Variants in DNAH8 observed in about 807,000 individuals in gnomAD.
DNAH8 encodes the protein dynein axonemal heavy chain 8.
In DNAH8, 382 loss-of-function variants were observed where a neutral mutation model predicts 562.1. The observed-to-expected ratio is 0.68, with a 90% CI of 0.63 to 0.74. The LOEUF (loss-of-function observed/expected upper bound fraction) is 0.74, where lower values mean the gene tolerates loss of function less well. Among genes scored for constraint, DNAH8 ranks in the 30% least tolerant of loss-of-function variants. DNAH8 has a pLI of 0.00. For missense variants in DNAH8, 5,203 were observed against 5,620.4 expected (o/e 0.93, Z 2.37); for synonymous variants, 1,881 against 1,919.4 (o/e 0.98, Z 0.52).
intron 85 of DNAH8, among the ~76,000 whole-genome samples, chr6:38,978,355 A>G (rs1254445834): frequency 1.3e-5 from 2 of 152,182 alleles, no homozygotes; most frequent in Admixed American, 6.5e-5. Context: ...TGCTTCCCCT[A>G]CATTTCGTTT....
At chr6:38,918,216 C>A in intron 70 of DNAH8, 76 bp downstream of exon 70, 4 of 1,087,524 alleles carry the variant, frequency 3.7e-6, no homozygotes, top group Non-Finnish European at 5.3e-6. Context: ...TATTAAAAGA[C>A]AATGCGTAGT....
chr6:38,903,630 T>G (rs1252046653), intron 62 of DNAH8, among the ~76,000 whole-genome samples: 3 of 133,776 alleles, frequency 2.2e-5, no homozygotes, highest in African/African-American at 6.6e-5. Flanking sequence ...TTTTTTTTTT[T>G]GAGAAGGAGT....
chr6:38,750,640 C>T (rs1311576580), intron 9 of DNAH8, 51 bp downstream of exon 9: 1 of 1,157,304 alleles, frequency 8.6e-7, no homozygotes, highest in African/African-American at 1.5e-5. Context: ...TGGCTCGCAT[C>T]TGTGATTCTA....
At position 38,719,881 on chromosome 6, in the gene DNAH8, C is replaced by T. The variant is rs1215892941; in HGVS notation, c.-34-2895C>T. Among the ~76,000 whole-genome samples the T allele has an allele frequency of 2.0e-5, 3 of 152,246 alleles. No individual in the cohort carries two copies. The East Asian group carries it at 5.8e-4, about 29-fold the overall frequency. ...CTGACATTGTGTTTCAAAATGGTGG[C>T]ACAGAAGCAAGCTGGCTGTTTCTTC... On this transcript the variant is annotated intron_variant, in intron 1 of 92. Coordinates refer to ENST00000327475, the MANE Select transcript of DNAH8 (RefSeq NM_001206927.2).
intron 21 of DNAH8, among the ~76,000 whole-genome samples, chr6:38,802,629 T>A (rs1321984665): frequency 6.6e-6 from 1 of 152,212 alleles, no homozygotes; most frequent in Admixed American, 6.5e-5. Flanking sequence ...GAAAATTTCT[T>A]ACTCTTTCTG....
At chr6:38,981,951 T>G (rs1764066098) in intron 85 of DNAH8, among the ~76,000 whole-genome samples, 2 of 152,254 alleles carry the variant, frequency 1.3e-5, no homozygotes, top group Non-Finnish European at 2.9e-5. Flanking sequence ...GTATTTTTAC[T>G]GTACCTTTTC....
intron 88 of DNAH8, among the ~76,000 whole-genome samples, chr6:39,000,443 G>A (rs1393438694): frequency 6.6e-6 from 1 of 152,196 alleles, no homozygotes; most frequent in Non-Finnish European, 1.5e-5. Flanking sequence ...CACACAGCAG[G>A]AGGTGAGCAG....
chr6:38,816,057 ATTTTG>A (rs1353789053), intron 26 of DNAH8, among the ~76,000 whole-genome samples: 2 of 137,342 alleles, frequency 1.5e-5, no homozygotes, highest in East Asian at 2.2e-4. Context: ...ATTTTATTTT[ATTTTG>A]TTTTATTTTA....
At chr6:39,015,406 C>T (rs12213825) in intron 91 of DNAH8, among the ~76,000 whole-genome samples, 5 of 152,010 alleles carry the variant, frequency 3.3e-5, no homozygotes, top group Admixed American at 2.0e-4. Flanking sequence ...TTTGGCTCTG[C>T]GTCCCCACCC....
chr6:38,893,178 T>G (rs897280095), intron 58 of DNAH8, among the ~76,000 whole-genome samples: 1 of 152,198 alleles, frequency 6.6e-6, no homozygotes, highest in Admixed American at 6.5e-5. Flanking sequence ...GAAAAATGAA[T>G]GAATCTTCCT....
chr6:39,030,065 TA>T, intron 92 of DNAH8, 39 bp from the exon 93 acceptor site: 1 of 1,551,872 alleles, frequency 6.4e-7, no homozygotes. Context: ...GCACCTAGTT[TA>T]AAAAATAAAT....
At chr6:38,971,349 G>A (rs558253490) in intron 82 of DNAH8, among the ~76,000 whole-genome samples, 8 of 152,012 alleles carry the variant, frequency 5.3e-5, no homozygotes, top group Admixed American at 1.3e-4. Context: ...CCCACCATAC[G>A]TGCCTTTTTC....
At chr6:38,901,586 T>C (rs1424791886) in intron 62 of DNAH8, among the ~76,000 whole-genome samples, 2 of 152,150 alleles carry the variant, frequency 1.3e-5, no homozygotes, top group Admixed American at 6.5e-5. Context: ...CTTTAGTATA[T>C]ATATTTAAAT....
At chr6:38,782,600 C>T (rs1354234333) in intron 16 of DNAH8, among the ~76,000 whole-genome samples, 2 of 152,128 alleles carry the variant, frequency 1.3e-5, no homozygotes, top group South Asian at 2.1e-4. Flanking sequence ...TTATTTTTAT[C>T]GTTTGATACA....
chr6:38,980,728 C>G (rs1255930115), intron 85 of DNAH8, among the ~76,000 whole-genome samples: 1 of 151,672 alleles, frequency 6.6e-6, no homozygotes, highest in African/African-American at 2.4e-5. Context: ...AACAGTAGTA[C>G]TTTACGTTTT....
chr6:38,890,242 G>A (rs1272406544), intron 57 of DNAH8, among the ~76,000 whole-genome samples: 1 of 152,132 alleles, frequency 6.6e-6, no homozygotes, highest in East Asian at 1.9e-4. Context: ...GTAAGATGAG[G>A]GAGTACTCTC....
rs748625060 is a variant in DNAH8, at chr6:38,780,081, A to G, written c.2139+16A>G. 71 of 1,607,484 alleles carry G rather than the reference A, an allele frequency of 4.4e-5. No individual in the cohort carries two copies. Among genetic ancestry groups the G allele is most frequent in the Non-Finnish European group, 3.1e-5 (37 of 1,175,630 alleles). On this transcript the variant is annotated intron_variant, in intron 15 of 92. Coordinates refer to ENST00000327475, the MANE Select transcript of DNAH8 (RefSeq NM_001206927.2). Reference sequence around the variant, plus strand: ...TACTAAGAAGGCAAGTGTCATGTTTATAAATAAAATGGTACATTAGCACAA... The same window carrying G: ...TACTAAGAAGGCAAGTGTCATGTTTGTAAATAAAATGGTACATTAGCACAA...
intron 80 of DNAH8, 105 bp from the exon 81 acceptor site, chr6:38,949,347 T>G (rs955535729): frequency 1.9e-5 from 14 of 753,356 alleles, no homozygotes; most frequent in Admixed American, 8.1e-5. Context: ...GCTTGAAAAA[T>G]TATCTGCCTG....
chr6:38,945,606 TG>T lies in DNAH8; in HGVS notation c.12129+20del. ...TGAACCAGGTAATACAATAAAGGGC[TG>T]GTTGAAAGTGCAGATCTGCAAACCC... On this transcript the variant is annotated intron_variant, in intron 80 of 92. Coordinates refer to ENST00000327475, the MANE Select transcript of DNAH8 (RefSeq NM_001206927.2). 6.2e-7 allele frequency: 1 copy of T among 1,613,430 alleles called. No homozygotes were observed. Among genetic ancestry groups the T allele is most frequent in the South Asian group, 1.1e-5 (1 of 91,050 alleles).
Sources: gnomAD v4.1 joint callset for allele counts (sites outside exome capture counted in the v4.1 genomes callset) on GRCh38, gnomAD v4.1.1 for gene constraint, MANE v1.5 for transcripts, NCBI Gene and HGNC (gene_info 2026-07-23, HGNC 2026-07-21) for gene names.